The following KLHL3 variants were observed in gnomAD, a reference collection of about 807,000 sequenced individuals.
The protein encoded by KLHL3 is kelch like family member 3, also known as kelch-like protein 3.
Under a neutral mutation model 70.5 loss-of-function variants are expected in KLHL3, and 19 were observed. That is an observed-to-expected ratio of 0.27 (90% confidence interval 0.19 to 0.40). KLHL3 has a LOEUF of 0.40. Ranked by LOEUF, KLHL3 falls within the 10% of genes least tolerant of loss-of-function variation. KLHL3 has a pLI of 1.00. For synonymous variants in KLHL3, 258 were observed against 290.3 expected (o/e 0.89, Z 1.13); for missense variants, 512 against 771.1 (o/e 0.66, Z 3.98).
chr5:137,707,603 T>G (rs1012073889), intron 3 of KLHL3: 1 of 154,350 alleles, frequency 6.5e-6, no homozygotes, highest in Admixed American at 6.5e-5. Context: ...CAGTTTCTGG[T>G]TTTTACCTGT....
At chr5:137,645,185 T>A (rs1290684540) in intron 8 of KLHL3, among the ~76,000 whole-genome samples, 2 of 152,118 alleles carry the variant, frequency 1.3e-5, no homozygotes, top group East Asian at 3.8e-4. Flanking sequence ...AGGCCATATA[T>A]GACAAACCCG....
At position 137,619,612 on chromosome 5, in the gene KLHL3, G is replaced by A. The variant is rs1756336561; in HGVS notation, c.*2486C>T. The A allele has an allele frequency of 1.3e-5, 2 of 152,732 alleles. No homozygotes were observed. The highest frequency in any genetic ancestry group is 1.3e-4 in the Admixed American group (2 of 15,288). The allele number at this position is 152,732 out of a possible 1,614,324, so 9.5% of individuals were successfully genotyped here. The stretch of plus-strand genomic sequence containing the variant: ...AAAGAGAATCGTACCTGGTGATGAA[G>A]AGATAGCAGGTTTTGGTGGCATCTG... On this transcript the variant is annotated 3_prime_UTR_variant, in exon 15 of 15. Transcript: ENST00000309755.
At chr5:137,680,434 T>C (rs996828726) in intron 5 of KLHL3, among the ~76,000 whole-genome samples, 1 of 152,152 alleles carries the variant, frequency 6.6e-6, no homozygotes, top group African/African-American at 2.4e-5. Context: ...GATAATAATA[T>C]ATATTAATTC....
intron 6 of KLHL3, among the ~76,000 whole-genome samples, chr5:137,671,576 T>C (rs1751760083): frequency 6.6e-6 from 1 of 152,168 alleles, no homozygotes; most frequent in Non-Finnish European, 1.5e-5. Context: ...CTACGGTTAA[T>C]GAGCTGTGTC....
Position 137,689,132 on chromosome 5 carries a change from T to G in KLHL3, c.526+3153A>C, listed in dbSNP as rs117025527. 2.4e-4 allele frequency among the ~76,000 whole-genome samples: 37 copies of G among 152,314 alleles called. No individual in the cohort carries two copies. The East Asian group carries it at 4.6e-3, about 19-fold the overall frequency. On this transcript the variant is annotated intron_variant, in intron 5 of 14. Coordinates refer to ENST00000309755, the MANE Select transcript of KLHL3 (RefSeq NM_017415.3). ...AATGCACATCAAAACTACCAAGTGA[T>G]ACCATCTCATACCAGTCAGGATGGC...
In KLHL3 at chr5:137,720,559, T is replaced by G; in HGVS notation, c.40A>C (p.Ile14Leu). Residue 14 changes from isoleucine (I) to leucine (L), a missense_variant, in exon 2 of 15, where the codon ATA becomes CTA. Transcript: ENST00000309755. Reference protein sequence around the residue: ...ESVKLSSQTLIQAGDDEKNQR... With the variant: ...ESVKLSSQTLLQAGDDEKNQR... ...TTCTTCTCATCATCCCCAGCCTGTA[T>G]CAGAGTCTGGGAGCTCAGCTTGACA... The G allele has an allele frequency of 1.2e-6, 2 of 1,614,062 alleles. No homozygotes were observed. Among genetic ancestry groups the G allele is most frequent in the Non-Finnish European group, 1.7e-6 (2 of 1,179,982 alleles).
chr5:137,717,291 T>TA (rs1336508780), intron 2 of KLHL3, among the ~76,000 whole-genome samples: 1 of 152,238 alleles, frequency 6.6e-6, no homozygotes, highest in African/African-American at 2.4e-5. Context: ...AATGCAAAGT[T>TA]ACAAAATCTG....
chr5:137,619,379 C>T lies in KLHL3; in HGVS notation c.*2719G>A, dbSNP rs1396194318. The T allele has an allele frequency of 6.6e-6, 1 of 152,608 alleles. No individual in the cohort carries two copies. Among genetic ancestry groups the T allele is most frequent in the African/African-American group, 2.4e-5 (1 of 41,450 alleles). The allele number at this position is 152,608 out of a possible 1,614,324, so 9.5% of individuals were successfully genotyped here. On this transcript the variant is annotated 3_prime_UTR_variant, in exon 15 of 15. Coordinates refer to ENST00000309755, the MANE Select transcript of KLHL3 (RefSeq NM_017415.3). ...TTTGGAATTCAGAATCTGACTTCTA[C>T]ATTGTTCAAATCAGTATCCAAGTGG... is the stretch of plus-strand genomic sequence containing the variant.
chr5:137,673,326 T>C (rs927755324), intron 6 of KLHL3, among the ~76,000 whole-genome samples: 1 of 152,126 alleles, frequency 6.6e-6, no homozygotes, highest in African/African-American at 2.4e-5. Flanking sequence ...GTAAGTGCCC[T>C]CAATAAACCC....
chr5:137,679,381 G>A (rs886111508), intron 5 of KLHL3, among the ~76,000 whole-genome samples: 2 of 152,142 alleles, frequency 1.3e-5, no homozygotes, highest in East Asian at 3.9e-4. Context: ...AGGACCACAC[G>A]GTTCTCAGGA....
intron 5 of KLHL3, among the ~76,000 whole-genome samples, chr5:137,689,235 A>T (rs1483735394): frequency 6.6e-6 from 1 of 152,244 alleles, no homozygotes; most frequent in Non-Finnish European, 1.5e-5. Context: ...TGCTGGTGGG[A>T]ATGTAAATTA....
chr5:137,720,825 T>A, intron 1 of KLHL3: 13 of 1,336,922 alleles, frequency 9.7e-6, no homozygotes, highest in Non-Finnish European at 1.2e-5. Context: ...TGTGTGATTT[T>A]GTGTGAGGTC....
At chr5:137,720,343 A>C in intron 2 of KLHL3, 122 bp downstream of exon 2, 1 of 1,200,574 alleles carries the variant, frequency 8.3e-7, no homozygotes, top group Non-Finnish European at 1.2e-6. Flanking sequence ...TCAAGTGACT[A>C]AGAATGGATG....
intron 6 of KLHL3, chr5:137,671,686 T>C (rs1468293519): frequency 6.6e-6 from 1 of 152,234 alleles, no homozygotes; most frequent in African/African-American, 2.4e-5. Context: ...CTGAATGTCA[T>C]GCTGGACAGG....
At chr5:137,690,674 C>T (rs567612357) in intron 5 of KLHL3, among the ~76,000 whole-genome samples, 1 of 152,304 alleles carries the variant, frequency 6.6e-6, no homozygotes, top group South Asian at 2.1e-4. Flanking sequence ...ACATGAGAGT[C>T]TCTGCAGGCT....
At chr5:137,662,558 T>A (rs909048459) in intron 6 of KLHL3, among the ~76,000 whole-genome samples, 1 of 152,184 alleles carries the variant, frequency 6.6e-6, no homozygotes, top group Admixed American at 6.5e-5. Context: ...TGACACTGAA[T>A]GACAAGGAAT....
At chr5:137,649,214 C>A (rs1198296242) in intron 8 of KLHL3, among the ~76,000 whole-genome samples, 1 of 152,224 alleles carries the variant, frequency 6.6e-6, no homozygotes, top group Non-Finnish European at 1.5e-5. Context: ...GAACTTAATA[C>A]CTCTCCCCTT....
chr5:137,700,378 C>T (rs751931836), intron 3 of KLHL3, among the ~76,000 whole-genome samples: 27 of 152,102 alleles, frequency 1.8e-4, no homozygotes, highest in Admixed American at 5.9e-4. Flanking sequence ...ATAGAGCAGC[C>T]GGACTGTAAG....
intron 8 of KLHL3, chr5:137,647,613 GTC>G (rs752143715): frequency 2.1e-6 from 1 of 472,548 alleles, no homozygotes; most frequent in Non-Finnish European, 4.4e-6. Context: ...GGAAGCGAGA[GTC>G]TCTCTTACCC....
Sources: gnomAD v4.1 joint callset for allele counts (sites outside exome capture counted in the v4.1 genomes callset) on GRCh38, gnomAD v4.1.1 for gene constraint, MANE v1.5 for transcripts, NCBI Gene and HGNC (gene_info 2026-07-23, HGNC 2026-07-21) for gene names.